NEXMIF: variants seen among roughly 807,000 people sequenced by gnomAD.
NEXMIF encodes the protein XLMR protein related to neurite extension.
NEXMIF carries 8 observed loss-of-function variants against 62.1 expected under a neutral mutation model. The observed-to-expected ratio is 0.13, with a 90% confidence interval of 0.08 to 0.23. The LOEUF is 0.23. Ranked by LOEUF, NEXMIF falls within the 10% of genes least tolerant of loss-of-function variation. NEXMIF has a pLI of 1.00. For missense variants in NEXMIF, 976 were observed against 1,113.3 expected, an observed-to-expected ratio of 0.88 and a Z score of 1.75; for synonymous variants, 404 against 416.6, an observed-to-expected ratio of 0.97 and a Z score of 0.37.
intron 1 of NEXMIF, among the ~76,000 whole-genome samples, chrX:74,918,816 C>T (rs1032406297): frequency 8.9e-6 from 1 of 112,068 alleles, no homozygotes. Flanking sequence ...CCATGGCAGG[C>T]CAGATTTGGC....
At chrX:74,848,043 T>C (rs1367889721) in intron 1 of NEXMIF, among the ~76,000 whole-genome samples, 2 of 111,365 alleles carry the variant, frequency 1.8e-5, no homozygotes, top group Non-Finnish European at 3.8e-5. Flanking sequence ...ATGTCTGGTC[T>C]AGACTGCTTG....
intron 1 of NEXMIF, among the ~76,000 whole-genome samples, chrX:74,818,144 C>T (rs1176905305): frequency 2.7e-5 from 3 of 109,420 alleles, no homozygotes; most frequent in Admixed American, 9.7e-5. Flanking sequence ...AAATTCAGAA[C>T]CAAAAAAGAG....
At chrX:74,794,517 C>T (rs1210785430) in intron 1 of NEXMIF, among the ~76,000 whole-genome samples, 1 of 112,169 alleles carries the variant, frequency 8.9e-6, no homozygotes, top group African/African-American at 3.2e-5. Context: ...GTTCGAGCTT[C>T]CCGGCTGCTT....
rs1187662037 is a variant in NEXMIF at position 74,740,758 on chromosome X, G to T, written c.3799C>A (p.Pro1267Thr). Residue 1267 changes from proline to threonine, a missense_variant, in exon 3 of 4, where the codon CCT becomes ACT. This residue lies in a region of NEXMIF where 639 missense variants were observed against 694.5 expected (regional missense o/e 0.92). Transcript: ENST00000055682. ...CTTGGCATCTTCATAGAGGCCATAGGGCCACCATGTTGGATACATTCAGCC... is the reference window on the plus strand; with the variant it reads ...CTTGGCATCTTCATAGAGGCCATAGTGCCACCATGTTGGATACATTCAGCC... ...TLAECIQHGG[P>T]MASMKMPSQK... The T allele has an allele frequency of 8.3e-7, 1 of 1,211,818 alleles. No individual in the cohort carries two copies. Among genetic ancestry groups the T allele is most frequent in the Admixed American group, 2.2e-5 (1 of 46,038 alleles).
intron 1 of NEXMIF, among the ~76,000 whole-genome samples, chrX:74,796,799 A>T (rs2147468750): frequency 8.9e-6 from 1 of 111,899 alleles, no homozygotes; most frequent in Non-Finnish European, 1.9e-5. Context: ...GAAAAGACAT[A>T]TCGTCCTAAC....
intron 1 of NEXMIF, among the ~76,000 whole-genome samples, chrX:74,884,729 C>G (rs1332240879): frequency 9.0e-6 from 1 of 111,490 alleles, no homozygotes; most frequent in Admixed American, 9.6e-5. Context: ...CAACATTAGA[C>G]AAATCAATGT....
At chrX:74,924,511 C>T (rs992239321) in intron 1 of NEXMIF, among the ~76,000 whole-genome samples, 3 of 113,291 alleles carry the variant, frequency 2.6e-5, no homozygotes, top group Admixed American at 1.8e-4. Flanking sequence ...ATGCCCCATT[C>T]CCTGGCCAGG....
At chrX:74,798,508 T>A (rs891862481) in intron 1 of NEXMIF, among the ~76,000 whole-genome samples, 10 of 112,063 alleles carry the variant, frequency 8.9e-5, no homozygotes, top group African/African-American at 3.2e-4. Flanking sequence ...TGGAGAAGAG[T>A]CTTGCTTTCA....
chrX:74,789,413 T>C (rs1444215438), intron 1 of NEXMIF, among the ~76,000 whole-genome samples: 4 of 108,534 alleles, frequency 3.7e-5, no homozygotes, highest in Admixed American at 1.0e-4. Context: ...TTTGCTATTG[T>C]GAATAATGCT....
At chrX:74,841,900 T>G (rs1005571740) in intron 1 of NEXMIF, among the ~76,000 whole-genome samples, 1 of 111,696 alleles carries the variant, frequency 9.0e-6, no homozygotes, top group African/African-American at 3.3e-5. Context: ...GTTGAGAATT[T>G]TTGTATCAAT....
chrX:74,916,136 A>T (rs1161269218), intron 1 of NEXMIF, among the ~76,000 whole-genome samples: 2 of 112,118 alleles, frequency 1.8e-5, no homozygotes, highest in African/African-American at 6.5e-5. Flanking sequence ...GGCAGTAGTC[A>T]ATACATCACG....
intron 1 of NEXMIF, among the ~76,000 whole-genome samples, chrX:74,900,639 T>A (rs1489646697): frequency 9.0e-6 from 1 of 111,209 alleles, no homozygotes; most frequent in East Asian, 2.8e-4. Flanking sequence ...AGTCACCATA[T>A]GACCCAACAA....
chrX:74,883,512 T>G (rs1005628724), intron 1 of NEXMIF, among the ~76,000 whole-genome samples: 2 of 111,587 alleles, frequency 1.8e-5, no homozygotes, highest in East Asian at 2.8e-4. Context: ...CAAGCCTCAG[T>G]GACCAATGCA....
chrX:74,781,283 T>C (rs748478256), intron 1 of NEXMIF, among the ~76,000 whole-genome samples: 2 of 112,511 alleles, frequency 1.8e-5, no homozygotes, highest in Non-Finnish European at 3.8e-5. Flanking sequence ...ACGATCTCCT[T>C]TAGAGAGAAC....
chrX:74,741,525 A>G lies in NEXMIF; in HGVS notation c.3032T>C (p.Leu1011Ser). The G allele has an allele frequency of 8.3e-7, 1 of 1,211,602 alleles. No homozygotes were observed. The highest frequency in any genetic ancestry group is 1.1e-6 in the Non-Finnish European group (1 of 895,346). Residue 1011 changes from leucine to serine, a missense_variant, in exon 3 of 4, where the codon TTG becomes TCG. Leu to Ser is a moderately radical substitution (Grantham distance 145). Transcript: ENST00000055682. ...ATCGCCATCCTTTTCACAGGACTTC[A>G]AGCTTAAGGAGCAATAATTACTTGA... The part of the protein sequence containing the change: ...VSSSNYCSLS[L>S]KSCEKDGDDD...
intron 1 of NEXMIF, among the ~76,000 whole-genome samples, chrX:74,907,334 A>ACCCCCCCCCCCCC (rs56726810): frequency 1.7e-4 from 9 of 53,040 alleles, no homozygotes; most frequent in African/African-American, 2.1e-4. Flanking sequence ...AAGCAAGAGC[A>ACCCCCCCCCCCCC]CCCCCCCCCC....
chrX:74,812,677 A>G (rs1040472998), intron 1 of NEXMIF, among the ~76,000 whole-genome samples: 3 of 112,090 alleles, frequency 2.7e-5, no homozygotes, highest in African/African-American at 9.7e-5. Context: ...GAAAAATAGA[A>G]GAAAGAAAAG....
chrX:74,851,973 T>C (rs985384004), intron 1 of NEXMIF, among the ~76,000 whole-genome samples: 1 of 110,543 alleles, frequency 9.0e-6, no homozygotes, highest in African/African-American at 3.3e-5. Flanking sequence ...TTAATAATAA[T>C]CTTGAATGTA....
At chrX:74,792,308 G>C (rs1343822039) in intron 1 of NEXMIF, among the ~76,000 whole-genome samples, 20 of 109,182 alleles carry the variant, frequency 1.8e-4, no homozygotes, top group African/African-American at 6.3e-4. Context: ...TTAATCCTGA[G>C]TTCTAGTTTG....
Sources: allele counts gnomAD v4.1 joint callset (sites outside exome capture counted in the v4.1 genomes callset), GRCh38; gene constraint gnomAD v4.1.1; regional missense constraint gnomAD v4.1.1; transcripts MANE v1.5; gene names NCBI Gene and HGNC (gene_info 2026-07-23, HGNC 2026-07-21).